Variants in WDR41 observed in about 807,000 individuals in gnomAD.
The protein encoded by WDR41 is WD repeat-containing protein 41.
In WDR41, 63 loss-of-function variants were observed where a neutral mutation model predicts 69.3. The observed-to-expected ratio is 0.91, with a 90% CI of 0.74 to 1.12. WDR41 has a LOEUF of 1.12. Ranked by LOEUF, WDR41 falls within the 50% of genes most tolerant of loss-of-function variation. WDR41 has a pLI of 0.00. For synonymous variants in WDR41, 185 were observed against 192.1 expected (o/e 0.96, Z 0.31); for missense variants, 543 against 534.5 (o/e 1.02, Z -0.16).
chr5:77,609,031 C>T (rs1744486397), intron 1 of WDR41, among the ~76,000 whole-genome samples: 1 of 152,170 alleles, frequency 6.6e-6, no homozygotes, highest in South Asian at 2.1e-4. Flanking sequence ...GGGTCCTATG[C>T]CCACGGAGTC....
chr5:77,525,957 C>T (rs1022443664), intron 1 of WDR41, among the ~76,000 whole-genome samples: 1 of 152,150 alleles, frequency 6.6e-6, no homozygotes, highest in African/African-American at 2.4e-5. Flanking sequence ...TTCTGTGCTT[C>T]ATTTTCTAGC....
In WDR41 at chr5:77,530,239, CT is replaced by C. The variant is rs1292736609; in HGVS notation, c.43-40668del. ...CATTTTTGCTAGGAAAATGGTACCC[CT>C]ATCCTATTACCCAACAATTCTACTA... On this transcript the variant is annotated intron_variant, in intron 1 of 5. Coordinates refer to the WDR41 transcript ENST00000509971. Among the ~76,000 whole-genome samples the C allele has an allele frequency of 2.0e-5, 3 of 151,678 alleles. 1 individual carries two copies. Among genetic ancestry groups the C allele is most frequent in the East Asian group, 3.9e-4 (2 of 5,172 alleles).
chr5:77,479,687 G>A (rs559882952), intron 2 of WDR41, among the ~76,000 whole-genome samples: 1 of 152,252 alleles, frequency 6.6e-6, no homozygotes, highest in South Asian at 2.1e-4. Context: ...ATGGATTAAA[G>A]ACATAAACGT....
intron 1 of WDR41, among the ~76,000 whole-genome samples, chr5:77,509,006 C>T (rs1205614346): frequency 6.6e-6 from 1 of 152,092 alleles, no homozygotes; most frequent in Non-Finnish European, 1.5e-5. Context: ...ATGGTCTGAT[C>T]CAATTAAATT....
intron 10 of WDR41, 68 bp from the exon 11 acceptor site, chr5:77,437,492 G>T: frequency 7.2e-7 from 1 of 1,380,350 alleles, no homozygotes; most frequent in Non-Finnish European, 1.0e-6. Context: ...AATTTGCAGT[G>T]AAAGAAATCA....
Position 77,459,066 on chromosome 5 carries a change from A to C in WDR41, c.407T>G (p.Val136Gly). The change falls in exon 5 of 13, where the codon GTA becomes GGA. Residue 136 changes from valine (V) to glycine (G), a missense_variant. Coordinates refer to ENST00000296679, the MANE Select transcript of WDR41 (RefSeq NM_018268.4). ...VQRISCFQST[V>G]KCLTVLQRLD... ...CATATTTACTTAAGATTTTACCTTT[A>C]CAGTAGACTGGAAGCATGATATTCT... 6.3e-7 allele frequency: 1 copy of C among 1,596,370 alleles called. No homozygotes were observed.
chr5:77,538,192 T>C (rs1429661128), intron 1 of WDR41, among the ~76,000 whole-genome samples: 1 of 152,210 alleles, frequency 6.6e-6, no homozygotes, highest in Non-Finnish European at 1.5e-5. Flanking sequence ...AGTGAGAACA[T>C]GCAATATTAA....
At chr5:77,571,441 GA>G (rs1743731148) in intron 1 of WDR41, among the ~76,000 whole-genome samples, 1 of 151,938 alleles carries the variant, frequency 6.6e-6, no homozygotes, top group African/African-American at 2.4e-5. Flanking sequence ...TGAAGATGAG[GA>G]AGAGAAAGAG....
rs1799124351 is a variant in WDR41, at chr5:77,440,711, A to G, written c.882+102T>C. ...TTTAAAGCACAACCTGAAACCATGA[A>G]TGATACCTTTTTTATGTCCAACATG... On this transcript the variant is annotated intron_variant, in intron 9 of 12. Transcript: ENST00000296679. The G allele has an allele frequency of 1.1e-5, 13 of 1,136,982 alleles. No individual in the cohort carries two copies. In the South Asian group the frequency reaches 1.6e-4, roughly 14 times the overall value. 70.4% of individuals were successfully genotyped at this position (1,136,982 alleles called of 1,614,324 possible). A position where few individuals can be genotyped will look rare whatever the true frequency, so the allele number is the denominator to read the frequency against.
At chr5:77,610,843 T>C (rs1201037589) in intron 1 of WDR41, among the ~76,000 whole-genome samples, 10 of 151,382 alleles carry the variant, frequency 6.6e-5, no homozygotes, top group Non-Finnish European at 8.9e-5. Flanking sequence ...ATGCTCCAAT[T>C]AAAAGACACA....
chr5:77,547,706 C>A (rs1448829992), intron 1 of WDR41, among the ~76,000 whole-genome samples: 1 of 151,998 alleles, frequency 6.6e-6, no homozygotes, highest in African/African-American at 2.4e-5. Context: ...GACCACACTG[C>A]CAAAAGCAAT....
At chr5:77,468,149 C>CAG (rs976608355) in intron 2 of WDR41, among the ~76,000 whole-genome samples, 1 of 152,124 alleles carries the variant, frequency 6.6e-6, no homozygotes, top group African/African-American at 2.4e-5. Context: ...AGACCTATGG[C>CAG]AGACCTCCTA....
chr5:77,491,264 C>A (rs1801771202), intron 1 of WDR41: 1 of 293,648 alleles, frequency 3.4e-6, no homozygotes, highest in South Asian at 2.6e-5. Context: ...CACTCCTGCC[C>A]GCCAGAGAAC....
intron 1 of WDR41, among the ~76,000 whole-genome samples, chr5:77,609,037 G>A (rs1256927759): frequency 6.6e-6 from 1 of 152,196 alleles, no homozygotes; most frequent in Non-Finnish European, 1.5e-5. Context: ...TATGCCCACG[G>A]AGTCTCGCTG....
intron 2 of WDR41, among the ~76,000 whole-genome samples, chr5:77,475,360 T>C (rs1257056594): frequency 3.9e-5 from 6 of 152,334 alleles, no homozygotes; most frequent in African/African-American, 1.4e-4. Flanking sequence ...GCTCCACCTC[T>C]GGGGGCAGGG....
At chr5:77,473,543 C>G (rs1454817725) in intron 2 of WDR41, among the ~76,000 whole-genome samples, 1 of 152,136 alleles carries the variant, frequency 6.6e-6, no homozygotes, top group Non-Finnish European at 1.5e-5. Flanking sequence ...GTAATCTACT[C>G]ATCTGACAAA....
At chr5:77,601,999 A>C (rs768190011) in intron 1 of WDR41, among the ~76,000 whole-genome samples, 27 of 152,204 alleles carry the variant, frequency 1.8e-4, no homozygotes, top group Non-Finnish European at 2.9e-4. Flanking sequence ...TTTGAAATAT[A>C]CAAAACATTG....
At chr5:77,503,856 C>A (rs895569968) in intron 1 of WDR41, among the ~76,000 whole-genome samples, 89 of 152,312 alleles carry the variant, frequency 5.8e-4, no homozygotes, top group African/African-American at 2.0e-3. Context: ...ATACCGGACT[C>A]TCTGGGACAC....
chr5:77,531,883 T>C (rs1366241932), intron 1 of WDR41, among the ~76,000 whole-genome samples: 1 of 151,986 alleles, frequency 6.6e-6, no homozygotes, highest in Non-Finnish European at 1.5e-5. Flanking sequence ...TCCATTCATA[T>C]AAAATATCCA....
Sources: gnomAD v4.1 joint callset for allele counts (sites outside exome capture counted in the v4.1 genomes callset) on GRCh38, gnomAD v4.1.1 for gene constraint, MANE v1.5 for transcripts, NCBI Gene and HGNC (gene_info 2026-07-23, HGNC 2026-07-21) for gene names.